LARGE1: variants seen among roughly 807,000 people sequenced by gnomAD.
LARGE1 encodes LARGE xylosyl- and glucuronyltransferase 1, also known as xylosyl- and glucuronyltransferase LARGE1.
Under a neutral mutation model 87.6 loss-of-function variants are expected in LARGE1, and 43 were observed. The ratio of observed to expected loss-of-function variants is 0.49; its 90% CI spans 0.38 to 0.63. The LOEUF is 0.63. Ranked by LOEUF, LARGE1 falls within the 30% of genes least tolerant of loss-of-function variation. LARGE1 has a pLI of 0.00. For missense variants in LARGE1, 802 were observed against 1,000.2 expected, an observed-to-expected ratio of 0.80 and a Z score of 2.67; for synonymous variants, 434 against 394.6, an observed-to-expected ratio of 1.10 and a Z score of -1.18.
intron 6 of LARGE1, among the ~76,000 whole-genome samples, chr22:33,523,955 C>T (rs1402128612): frequency 1.3e-5 from 2 of 152,116 alleles, no homozygotes; most frequent in African/African-American, 4.8e-5. Context: ...AAACAGAGAA[C>T]TGTGCCATCA....
intron 1 of LARGE1, among the ~76,000 whole-genome samples, chr22:33,803,149 C>G (rs925365631): frequency 6.6e-6 from 1 of 152,120 alleles, no homozygotes; most frequent in Non-Finnish European, 1.5e-5. Flanking sequence ...CATTCATGAC[C>G]CTCCTCTTAA....
intron 11 of LARGE1, among the ~76,000 whole-genome samples, chr22:33,187,284 T>C (rs1923525354): frequency 6.6e-6 from 1 of 152,224 alleles, no homozygotes; most frequent in South Asian, 2.1e-4. Context: ...ATGTGGTATA[T>C]GTACATAATG....
chr22:33,789,973 T>C (rs1351727063), intron 1 of LARGE1, among the ~76,000 whole-genome samples: 5 of 152,054 alleles, frequency 3.3e-5, no homozygotes, highest in Admixed American at 6.6e-5. Flanking sequence ...GAAGGCATAA[T>C]TGGTTTTGAA....
chr22:33,553,944 C>A (rs2077602893), intron 6 of LARGE1, among the ~76,000 whole-genome samples: 1 of 152,124 alleles, frequency 6.6e-6, no homozygotes, highest in South Asian at 2.1e-4. Flanking sequence ...TAGAGAGGTC[C>A]ATGGAATCCT....
the LARGE1 span, among the ~76,000 whole-genome samples, chr22:33,125,730 T>C: frequency 2.0e-5 from 3 of 152,062 alleles, no homozygotes; most frequent in African/African-American, 7.2e-5. Context: ...CAGGTGTGAG[T>C]CACTGTGCCA....
intron 2 of LARGE1, among the ~76,000 whole-genome samples, chr22:33,760,996 CGAT>C (rs913204997): frequency 1.3e-5 from 2 of 152,034 alleles, no homozygotes; most frequent in African/African-American, 4.8e-5. Context: ...ACCACCACCA[CGAT>C]GTTGAATGGG....
intron 11 of LARGE1, among the ~76,000 whole-genome samples, chr22:33,247,952 A>G (rs1926841225): frequency 6.6e-6 from 1 of 152,176 alleles, no homozygotes; most frequent in South Asian, 2.1e-4. Flanking sequence ...TGGACCAGGG[A>G]ATTTACCCTG....
chr22:33,694,746 T>A (rs1023468515), intron 2 of LARGE1, among the ~76,000 whole-genome samples: 1 of 151,780 alleles, frequency 6.6e-6, no homozygotes, highest in Non-Finnish European at 1.5e-5. Context: ...GTAGGGAGAA[T>A]GAAAAAAATA....
At chr22:33,598,654 G>A (rs564603058) in intron 5 of LARGE1, among the ~76,000 whole-genome samples, 17 of 152,052 alleles carry the variant, frequency 1.1e-4, no homozygotes, top group Non-Finnish European at 2.2e-4. Flanking sequence ...TTAGTTTGCT[G>A]AGAATGATGG....
chr22:33,259,996 T>C (rs1029234051), intron 11 of LARGE1, among the ~76,000 whole-genome samples: 1 of 152,134 alleles, frequency 6.6e-6, no homozygotes. Context: ...CAACTCCCAT[T>C]ATCGAGCAGT....
intron 9 of LARGE1, among the ~76,000 whole-genome samples, chr22:33,363,863 T>C (rs2064476788): frequency 6.7e-6 from 1 of 149,218 alleles, no homozygotes; most frequent in Admixed American, 6.6e-5. Context: ...AGGCCAGTAG[T>C]GCAGACAGCA....
intron 11 of LARGE1, among the ~76,000 whole-genome samples, chr22:33,258,624 C>T (rs1371734544): frequency 6.6e-6 from 1 of 152,182 alleles, no homozygotes; most frequent in Admixed American, 6.5e-5. Context: ...CAAACCCAGA[C>T]TTGGGAGTGT....
intron 6 of LARGE1, among the ~76,000 whole-genome samples, chr22:33,450,017 T>C (rs1480576333): frequency 1.3e-5 from 2 of 152,060 alleles, no homozygotes; most frequent in African/African-American, 2.4e-5. Context: ...GTTCAAGTGA[T>C]TCTACTGCCT....
At chr22:33,078,496 A>G in the LARGE1 span, among the ~76,000 whole-genome samples, 1 of 152,186 alleles carries the variant, frequency 6.6e-6, no homozygotes, top group Non-Finnish European at 1.5e-5. Context: ...GTATAGGAGG[A>G]AAATATCGAG....
At chr22:33,879,864 T>C (rs1317115818) in intron 1 of LARGE1, among the ~76,000 whole-genome samples, 3 of 152,208 alleles carry the variant, frequency 2.0e-5, no homozygotes, top group East Asian at 3.9e-4. Context: ...ATCAGGTACA[T>C]GGGAATTACT....
chr22:33,817,914 G>C lies in LARGE1; in HGVS notation c.-82-56356C>G, dbSNP rs566905771. Among the ~76,000 whole-genome samples, 9 of 131,236 alleles carry C rather than the reference G, an allele frequency of 6.9e-5. No homozygotes were observed. In the East Asian group the frequency reaches 1.4e-3, roughly 21 times the overall value. 86.1% of individuals were successfully genotyped at this position (131,236 alleles called of 152,430 possible). On this transcript the variant is annotated intron_variant, in intron 1 of 14. Transcript: ENST00000397394. ...GGAGAAGCTGAAGGAGGGAGGAAAG[G>C]GGGAGGAGAGGGAGGAAAGGGGGAG...
At chr22:33,323,657 A>G (rs1046837589) in intron 10 of LARGE1, among the ~76,000 whole-genome samples, 1 of 152,266 alleles carries the variant, frequency 6.6e-6, no homozygotes, top group Non-Finnish European at 1.5e-5. Context: ...ACTCAAAAAA[A>G]GAAGGGAACA....
chr22:33,128,093 T>C, the LARGE1 span, among the ~76,000 whole-genome samples: 10 of 152,360 alleles, frequency 6.6e-5, no homozygotes, highest in Non-Finnish European at 1.3e-4. Flanking sequence ...TTTTTCTTTA[T>C]TCTTTCCTTT....
chr22:33,863,167 A>G (rs1327084442), intron 1 of LARGE1, among the ~76,000 whole-genome samples: 1 of 152,012 alleles, frequency 6.6e-6, no homozygotes, highest in African/African-American at 2.4e-5. Context: ...CAGCTTTGCC[A>G]CTCAGTCACT....
Sources: gnomAD v4.1 joint callset for allele counts (sites outside exome capture counted in the v4.1 genomes callset) on GRCh38, gnomAD v4.1.1 for gene constraint, MANE v1.5 for transcripts, NCBI Gene and HGNC (gene_info 2026-07-23, HGNC 2026-07-21) for gene names.